Variants in L3MBTL4 observed in about 807,000 individuals in gnomAD.
The protein encoded by L3MBTL4 is lethal(3)malignant brain tumor-like protein 4.
In L3MBTL4, 70 loss-of-function variants were observed where a neutral mutation model predicts 84.5. That is an observed-to-expected ratio of 0.83 (90% CI 0.68 to 1.01). L3MBTL4 has a LOEUF of 1.01. Ranked by LOEUF, L3MBTL4 falls within the 50% of genes least tolerant of loss-of-function variation. The pLI, the probability that L3MBTL4 is intolerant of heterozygous loss-of-function variation, is 0.00. For synonymous variants in L3MBTL4, 274 were observed against 259.8 expected, an observed-to-expected ratio of 1.05 and a Z score of -0.52; for missense variants, 715 against 754.8, an observed-to-expected ratio of 0.95 and a Z score of 0.62.
intron 16 of L3MBTL4, among the ~76,000 whole-genome samples, chr18:6,061,300 T>C (rs1021221213): frequency 6.6e-6 from 1 of 152,142 alleles, no homozygotes; most frequent in African/African-American, 2.4e-5. Flanking sequence ...TCTGCTGATA[T>C]GTCTGTTCAG....
At chr18:6,361,850 G>A (rs952927483) in intron 1 of L3MBTL4, among the ~76,000 whole-genome samples, 1 of 152,026 alleles carries the variant, frequency 6.6e-6, no homozygotes, top group Non-Finnish European at 1.5e-5. Context: ...TTGTGGCTGG[G>A]CGTGGTTGCA....
chr18:6,114,443 T>G (rs2144162253), intron 14 of L3MBTL4, among the ~76,000 whole-genome samples: 1 of 152,358 alleles, frequency 6.6e-6, no homozygotes, highest in Non-Finnish European at 1.5e-5. Flanking sequence ...TTTGTTCTTT[T>G]GTATTAAGTT....
intron 1 of L3MBTL4, among the ~76,000 whole-genome samples, chr18:6,329,271 A>T (rs1312215387): frequency 6.8e-6 from 1 of 147,438 alleles, no homozygotes; most frequent in East Asian, 2.0e-4. Context: ...CTCCTGCCTC[A>T]GCCTCCCGAG....
At chr18:6,083,967 T>C (rs1349640832) in intron 15 of L3MBTL4, among the ~76,000 whole-genome samples, 5 of 152,176 alleles carry the variant, frequency 3.3e-5, no homozygotes, top group African/African-American at 1.2e-4. Flanking sequence ...TAGGCTTCCA[T>C]TCCCCTTCAC....
intron 16 of L3MBTL4, among the ~76,000 whole-genome samples, chr18:6,006,048 T>C (rs1474489578): frequency 6.6e-6 from 1 of 151,904 alleles, no homozygotes; most frequent in Non-Finnish European, 1.5e-5. Context: ...GCCACATCTA[T>C]AACATATGCA....
intron 13 of L3MBTL4, among the ~76,000 whole-genome samples, chr18:6,143,928 T>G (rs972839110): frequency 9.2e-5 from 14 of 152,092 alleles, no homozygotes; most frequent in African/African-American, 2.2e-4. Context: ...CTGGGCGCGG[T>G]GGCTCACGCC....
intron 16 of L3MBTL4, among the ~76,000 whole-genome samples, chr18:6,004,563 T>C (rs555812265): frequency 6.6e-6 from 1 of 152,316 alleles, no homozygotes; most frequent in South Asian, 2.1e-4. Context: ...ATTATCTCTC[T>C]TCACAGATGA....
At chr18:6,111,840 A>G (rs1305295713) in intron 14 of L3MBTL4, among the ~76,000 whole-genome samples, 1 of 152,118 alleles carries the variant, frequency 6.6e-6, no homozygotes, top group Non-Finnish European at 1.5e-5. Flanking sequence ...CTTATTTTTT[A>G]TGGTGATAAC....
At chr18:6,214,327 C>T (rs552944628) in intron 11 of L3MBTL4, among the ~76,000 whole-genome samples, 1 of 152,094 alleles carries the variant, frequency 6.6e-6, no homozygotes, top group East Asian at 1.9e-4. Flanking sequence ...TTCATAATCA[C>T]GGAGTAAGAA....
At chr18:6,172,263 GT>G (rs2044009804) in intron 12 of L3MBTL4, among the ~76,000 whole-genome samples, 1 of 152,130 alleles carries the variant, frequency 6.6e-6, no homozygotes, top group African/African-American at 2.4e-5. Context: ...GATACTCTTT[GT>G]CCTGAGCGAC....
chr18:6,007,931 G>A (rs1285878275), intron 16 of L3MBTL4, among the ~76,000 whole-genome samples: 1 of 152,190 alleles, frequency 6.6e-6, no homozygotes, highest in Non-Finnish European at 1.5e-5. Flanking sequence ...TACTAAGTTT[G>A]CTTGCTTATG....
At chr18:6,085,365 G>T (rs536667737) in intron 15 of L3MBTL4, among the ~76,000 whole-genome samples, 1 of 152,150 alleles carries the variant, frequency 6.6e-6, no homozygotes, top group Non-Finnish European at 1.5e-5. Flanking sequence ...ATTGTTAAAT[G>T]AAATAAAACA....
intron 4 of L3MBTL4, among the ~76,000 whole-genome samples, chr18:6,270,308 C>T (rs1226110279): frequency 6.6e-6 from 1 of 152,188 alleles, no homozygotes; most frequent in African/African-American, 2.4e-5. Context: ...AGTCAGGCTG[C>T]TTTTCATTTC....
intron 1 of L3MBTL4, among the ~76,000 whole-genome samples, chr18:6,342,162 T>G (rs2052638921): frequency 6.6e-6 from 1 of 152,196 alleles, no homozygotes; most frequent in South Asian, 2.1e-4. Context: ...AAAAGGACAC[T>G]AATTAGCAAT....
intron 16 of L3MBTL4, among the ~76,000 whole-genome samples, chr18:6,014,894 CG>C (rs1262859136): frequency 6.6e-6 from 1 of 151,982 alleles, no homozygotes; most frequent in Non-Finnish European, 1.5e-5. Context: ...ACAGGAAGAG[CG>C]GGAGGACTGG....
chr18:6,188,319 A>C (rs1568282758), intron 12 of L3MBTL4, among the ~76,000 whole-genome samples: 1 of 150,250 alleles, frequency 6.7e-6, no homozygotes, highest in South Asian at 2.1e-4. Context: ...ACTCTATAAT[A>C]TAATTAATAT....
At chr18:5,994,017 G>A (rs1247118409) in intron 16 of L3MBTL4, among the ~76,000 whole-genome samples, 2 of 152,204 alleles carry the variant, frequency 1.3e-5, no homozygotes, top group African/African-American at 4.8e-5. Context: ...CAAAGTGCCT[G>A]CAGCCACTGG....
At chr18:6,308,676 C>T (rs534285726) in intron 3 of L3MBTL4, among the ~76,000 whole-genome samples, 87 of 152,082 alleles carry the variant, frequency 5.7e-4, no homozygotes, top group Non-Finnish European at 1.1e-3. Flanking sequence ...AGCAGAACAA[C>T]GAGCAGAATG....
rs149780301 is a variant in L3MBTL4, at chr18:5,961,135, T to G, written c.1615-979A>C. On this transcript the variant is annotated intron_variant, in intron 17 of 18. Transcript: ENST00000317931. Reference sequence around the variant, plus strand: ...TCTTTTTGGCTCTCTGCTTCTTGTGTCAACCGAATTGTGTGTGCTGGCCCT... The same window carrying G: ...TCTTTTTGGCTCTCTGCTTCTTGTGGCAACCGAATTGTGTGTGCTGGCCCT... 3.9e-5 allele frequency among the ~76,000 whole-genome samples: 6 copies of G among 152,362 alleles called. No homozygotes were observed. In the East Asian group the frequency reaches 1.2e-3, roughly 29 times the overall value.
Sources: allele counts gnomAD v4.1 joint callset (sites outside exome capture counted in the v4.1 genomes callset), GRCh38; gene constraint gnomAD v4.1.1; transcripts MANE v1.5; gene names NCBI Gene and HGNC (gene_info 2026-07-23, HGNC 2026-07-21).